CNTNAP2: variants seen among roughly 807,000 people sequenced by gnomAD.
CNTNAP2 encodes contactin-associated protein-like 2.
CNTNAP2 carries 98 observed loss-of-function variants against 155.2 expected under a neutral mutation model. The observed-to-expected ratio is 0.63, with a 90% confidence interval of 0.54 to 0.75. The LOEUF is 0.75. Ranked by LOEUF, CNTNAP2 falls within the 30% of genes least tolerant of loss-of-function variation. CNTNAP2 has a pLI of 0.00. For missense variants in CNTNAP2, 1,727 were observed against 1,688.1 expected, an observed-to-expected ratio of 1.02 and a Z score of -0.40; for synonymous variants, 651 against 631.2, an observed-to-expected ratio of 1.03 and a Z score of -0.47.
At chr7:148,024,157 T>TTAA (rs1554463557) in intron 15 of CNTNAP2, among the ~76,000 whole-genome samples, 2 of 107,600 alleles carry the variant, frequency 1.9e-5, no homozygotes, top group Non-Finnish European at 1.8e-5. Context: ...CTTTAAAGTG[T>TTAA]AAAAAAAAAA....
chr7:146,235,979 T>C (rs2110371), intron 1 of CNTNAP2, among the ~76,000 whole-genome samples: 65,769 of 139,038 alleles, frequency 0.47, 15,014 homozygotes, highest in East Asian at 0.65. Flanking sequence ...TGTGTGTGTG[T>C]GCGCGCGTAT....
chr7:147,103,824 G>A (rs1029848533), intron 4 of CNTNAP2, among the ~76,000 whole-genome samples: 1 of 151,926 alleles, frequency 6.6e-6, no homozygotes, highest in Non-Finnish European at 1.5e-5. Context: ...CAATAATGCA[G>A]TCTAGTCCTA....
chr7:146,479,846 G>C (rs573443609), intron 1 of CNTNAP2, among the ~76,000 whole-genome samples: 156 of 152,222 alleles, frequency 1.0e-3, no homozygotes, highest in African/African-American at 3.7e-3. Context: ...GTGCAGTGGT[G>C]CGATCTCAGC....
chr7:147,091,693 C>T (rs1413871976), intron 4 of CNTNAP2, among the ~76,000 whole-genome samples: 3 of 151,976 alleles, frequency 2.0e-5, no homozygotes, highest in African/African-American at 7.3e-5. Flanking sequence ...GCAAGCTCCG[C>T]CTCCCAGGTT....
chr7:146,507,905 C>G (rs1584956218), intron 1 of CNTNAP2, among the ~76,000 whole-genome samples: 1 of 152,158 alleles, frequency 6.6e-6, no homozygotes, highest in East Asian at 1.9e-4. Flanking sequence ...ACAAACTGTT[C>G]CTGGCTCTCT....
intron 13 of CNTNAP2, among the ~76,000 whole-genome samples, chr7:147,658,707 A>G (rs1352634708): frequency 6.6e-6 from 1 of 152,204 alleles, no homozygotes; most frequent in Non-Finnish European, 1.5e-5. Context: ...TCAGGGTAAC[A>G]GGTCATCTTT....
rs1801100986 is a variant in CNTNAP2, at chr7:147,960,616, T to A, written c.2256-17246T>A. Among the ~76,000 whole-genome samples, 3 of 152,142 alleles carry A rather than the reference T, an allele frequency of 2.0e-5. No homozygotes were observed. The South Asian group carries it at 6.2e-4, about 32-fold the overall frequency. On this transcript the variant is annotated intron_variant, in intron 14 of 23. Transcript: ENST00000361727. ...CAATAGTGACAGTAATAGGCAGTGT[T>A]TTCCAGCATCAACTGGAGTATCATT...
At chr7:147,403,640 C>A (rs1796955973) in intron 10 of CNTNAP2, among the ~76,000 whole-genome samples, 2 of 152,148 alleles carry the variant, frequency 1.3e-5, no homozygotes, top group Admixed American at 1.3e-4. Flanking sequence ...CTGTTTTGCT[C>A]TCAAAAATAT....
At chr7:148,256,965 T>C (rs921953121) in intron 20 of CNTNAP2, among the ~76,000 whole-genome samples, 1 of 152,094 alleles carries the variant, frequency 6.6e-6, no homozygotes, top group African/African-American at 2.4e-5. Flanking sequence ...AAGTGAGTGG[T>C]TTAGAGAATA....
At chr7:147,537,581 A>G (rs1337202691) in intron 11 of CNTNAP2, among the ~76,000 whole-genome samples, 4 of 152,186 alleles carry the variant, frequency 2.6e-5, no homozygotes, top group Non-Finnish European at 5.9e-5. Context: ...ACCTTAAAAA[A>G]AAAAAGTTGT....
chr7:146,541,860 G>A (rs1797958055), intron 1 of CNTNAP2, among the ~76,000 whole-genome samples: 4 of 151,872 alleles, frequency 2.6e-5, no homozygotes, highest in Admixed American at 2.6e-4. Flanking sequence ...TGCATGTACT[G>A]TTCTTGAATG....
intron 3 of CNTNAP2, among the ~76,000 whole-genome samples, chr7:146,970,066 G>A (rs928795768): frequency 6.6e-6 from 1 of 151,966 alleles, no homozygotes; most frequent in Non-Finnish European, 1.5e-5. Flanking sequence ...AATTCAAGAT[G>A]GATTAAAGAC....
intron 17 of CNTNAP2, among the ~76,000 whole-genome samples, chr7:148,149,604 G>T (rs951688651): frequency 6.6e-6 from 1 of 152,044 alleles, no homozygotes; most frequent in Non-Finnish European, 1.5e-5. Flanking sequence ...GAGTGCAATG[G>T]TGTGTTCTCA....
At chr7:147,952,161 G>A (rs111970920) in intron 14 of CNTNAP2, among the ~76,000 whole-genome samples, 3,276 of 145,838 alleles carry the variant, frequency 0.022, 188 homozygotes, top group African/African-American at 0.082. Context: ...TCTCCTTTTC[G>A]GCCAGGCACG....
At chr7:147,526,701 A>G (rs1056737853) in intron 11 of CNTNAP2, among the ~76,000 whole-genome samples, 1 of 152,148 alleles carries the variant, frequency 6.6e-6, no homozygotes, top group Admixed American at 6.5e-5. Context: ...AATCAATTAG[A>G]TTTTTTAAGT....
intron 1 of CNTNAP2, among the ~76,000 whole-genome samples, chr7:146,233,997 G>C (rs1363871769): frequency 6.6e-6 from 1 of 150,504 alleles, no homozygotes; most frequent in African/African-American, 2.4e-5. Flanking sequence ...GGGATGGCTG[G>C]GTCAAATGGT....
At chr7:148,371,875 C>G (rs901510270) in intron 21 of CNTNAP2, among the ~76,000 whole-genome samples, 8 of 152,118 alleles carry the variant, frequency 5.3e-5, no homozygotes. Context: ...GTTCACTAAA[C>G]ATAGACAAAG....
intron 15 of CNTNAP2, among the ~76,000 whole-genome samples, chr7:148,021,320 C>A (rs1802275762): frequency 6.6e-6 from 1 of 152,144 alleles, no homozygotes; most frequent in African/African-American, 2.4e-5. Context: ...ATACTCCCTA[C>A]CAAAAGAGGC....
At chr7:147,359,156 C>T (rs755063512) in intron 9 of CNTNAP2, among the ~76,000 whole-genome samples, 3 of 152,138 alleles carry the variant, frequency 2.0e-5, no homozygotes, top group African/African-American at 4.8e-5. Context: ...CAAAACTGTG[C>T]TCTTAATCTT....
Sources: allele counts gnomAD v4.1 joint callset (sites outside exome capture counted in the v4.1 genomes callset), GRCh38; gene constraint gnomAD v4.1.1; transcripts MANE v1.5; gene names NCBI Gene and HGNC (gene_info 2026-07-23, HGNC 2026-07-21).